The following KCNB2 variants were observed in gnomAD, a reference collection of about 807,000 sequenced individuals.
KCNB2 encodes the protein potassium voltage-gated channel subfamily B member 2.
In KCNB2, 15 loss-of-function variants were observed where a neutral mutation model predicts 61.5. The observed-to-expected ratio is 0.24, with a 90% confidence interval of 0.16 to 0.38. The LOEUF (loss-of-function observed/expected upper bound fraction) is 0.38. Among genes scored for constraint, KCNB2 ranks in the 10% least tolerant of loss-of-function variants. The probability of loss-of-function intolerance (pLI) is 1.00; values close to 1 mark genes in which losing one functional copy is unlikely to be tolerated. For synonymous variants in KCNB2, 457 were observed against 446.0 expected, an observed-to-expected ratio of 1.02 and a Z score of -0.31; for missense variants, 828 against 1,125.2, an observed-to-expected ratio of 0.74 and a Z score of 3.78.
At chr8:72,757,557 G>A (rs1360473190) in intron 2 of KCNB2, among the ~76,000 whole-genome samples, 1 of 152,182 alleles carries the variant, frequency 6.6e-6, no homozygotes, top group African/African-American at 2.4e-5. Context: ...GATACCTCAA[G>A]GATCCTTAGT....
rs575686645 is a variant in KCNB2 at position 72,889,831 on chromosome 8, T to C, written c.580-46104T>C. On this transcript the variant is annotated intron_variant, in intron 2 of 2. Transcript: ENST00000523207. ...AGTGCAGTGGTACAATCTTGGCTCA[T>C]TGCAACCTCCATCTCCTGGGTTCAA... Among the ~76,000 whole-genome samples the C allele has an allele frequency of 4.6e-5, 7 of 152,224 alleles. No homozygotes were observed. The East Asian group carries it at 1.4e-3, about 30-fold the overall frequency.
At chr8:72,841,379 T>G (rs1809883827) in intron 2 of KCNB2, among the ~76,000 whole-genome samples, 1 of 128,072 alleles carries the variant, frequency 7.8e-6, no homozygotes, top group Admixed American at 8.0e-5. Context: ...TTTCTTTTTT[T>G]TTTTTTTTTT....
Position 72,937,447 on chromosome 8 carries a change from G to A in KCNB2, c.2092G>A (p.Asp698Asn), listed in dbSNP as rs751298935. The A allele has an allele frequency of 3.1e-6, 5 of 1,613,734 alleles. No homozygotes were observed. The highest frequency in any genetic ancestry group is 2.7e-5 in the African/African-American group (2 of 74,832). ...HSPLQSDNAT[D>N]SPKSSLKGSN... ...TCCTTTGCAGTCTGACAATGCCACC[G>A]ACAGTCCTAAGAGCTCTCTAAAAGG... Residue 698 changes from aspartate (D) to asparagine (N), a missense_variant, in exon 3 of 3, where the codon GAC becomes AAC. Asp to Asn is a conservative substitution (Grantham distance 23, BLOSUM62 1). This residue lies in a region of KCNB2 where 559 missense variants were observed against 588.4 expected (regional missense o/e 0.95). Coordinates refer to ENST00000523207, the MANE Select transcript of KCNB2 (RefSeq NM_004770.3).
chr8:72,757,559 A>T (rs1808310678), intron 2 of KCNB2, among the ~76,000 whole-genome samples: 1 of 152,162 alleles, frequency 6.6e-6, no homozygotes, highest in South Asian at 2.1e-4. Flanking sequence ...TACCTCAAGG[A>T]TCCTTAGTGG....
chr8:72,555,436 G>A (rs1378036201), intron 1 of KCNB2, among the ~76,000 whole-genome samples: 1 of 151,626 alleles, frequency 6.6e-6, no homozygotes, highest in African/African-American at 2.4e-5. Context: ...TTGATCTTAA[G>A]CTGAAATAAA....
At chr8:72,594,088 T>A (rs558119868) in intron 2 of KCNB2, among the ~76,000 whole-genome samples, 117 of 152,228 alleles carry the variant, frequency 7.7e-4, no homozygotes, top group African/African-American at 2.4e-3. Flanking sequence ...GAATTTAGAG[T>A]CTACCTGAGG....
At chr8:72,681,543 C>T (rs1180988690) in intron 2 of KCNB2, among the ~76,000 whole-genome samples, 1 of 152,082 alleles carries the variant, frequency 6.6e-6, no homozygotes, top group Non-Finnish European at 1.5e-5. Context: ...TGGAACACCT[C>T]TGAAGGACCT....
intron 1 of KCNB2, among the ~76,000 whole-genome samples, chr8:72,554,991 C>A (rs1452074164): frequency 6.6e-6 from 1 of 151,912 alleles, no homozygotes; most frequent in Non-Finnish European, 1.5e-5. Flanking sequence ...AATATTGATC[C>A]CATATTTCTG....
intron 2 of KCNB2, among the ~76,000 whole-genome samples, chr8:72,817,342 G>A (rs1405783553): frequency 6.6e-6 from 1 of 152,078 alleles, no homozygotes; most frequent in Non-Finnish European, 1.5e-5. Flanking sequence ...CTCCCCTGTA[G>A]GACTGAAGAA....
chr8:72,844,420 G>A (rs1809949841), intron 2 of KCNB2, among the ~76,000 whole-genome samples: 1 of 151,960 alleles, frequency 6.6e-6, no homozygotes, highest in African/African-American at 2.4e-5. Context: ...TGTGTCTTGG[G>A]GTTTCTCTTC....
chr8:72,588,026 A>AC (rs113731017), intron 2 of KCNB2, among the ~76,000 whole-genome samples: 3,578 of 152,258 alleles, frequency 0.023, 133 homozygotes, highest in African/African-American at 0.08. Flanking sequence ...TGTGGAACAC[A>AC]TTTACTGAAA....
chr8:72,922,511 A>G (rs1407756822), intron 2 of KCNB2, among the ~76,000 whole-genome samples: 1 of 152,216 alleles, frequency 6.6e-6, no homozygotes, highest in African/African-American at 2.4e-5. Context: ...CAGAAGATTC[A>G]GGGTTTGGTA....
chr8:72,696,320 T>G (rs575339447), intron 2 of KCNB2, among the ~76,000 whole-genome samples: 1 of 152,244 alleles, frequency 6.6e-6, no homozygotes, highest in Admixed American at 6.5e-5. Context: ...GCCTAAGAGT[T>G]GCATAAAGTA....
chr8:72,857,680 G>GA (rs1380841380), intron 2 of KCNB2, among the ~76,000 whole-genome samples: 1 of 151,586 alleles, frequency 6.6e-6, no homozygotes, highest in Non-Finnish European at 1.5e-5. Context: ...TGAAGAGTCA[G>GA]AAAAAAAATT....
intron 2 of KCNB2, among the ~76,000 whole-genome samples, chr8:72,803,265 T>G (rs1809160513): frequency 6.6e-6 from 1 of 152,284 alleles, no homozygotes; most frequent in South Asian, 2.1e-4. Context: ...CTGTCTGTTG[T>G]GGACACAGCA....
chr8:72,760,714 C>T (rs1461346429), intron 2 of KCNB2, among the ~76,000 whole-genome samples: 1 of 152,200 alleles, frequency 6.6e-6, no homozygotes, highest in African/African-American at 2.4e-5. Flanking sequence ...GCAGCATATA[C>T]TAAGTACAGC....
At chr8:72,584,085 TCAAAA>T (rs1042958125) in intron 2 of KCNB2, among the ~76,000 whole-genome samples, 6 of 150,260 alleles carry the variant, frequency 4.0e-5, no homozygotes, top group African/African-American at 1.2e-4. Context: ...TTTAGTGCTG[TCAAAA>T]CAAAACAAAA....
At chr8:72,651,624 A>G (rs1216898892) in intron 2 of KCNB2, among the ~76,000 whole-genome samples, 1 of 152,148 alleles carries the variant, frequency 6.6e-6, no homozygotes, top group African/African-American at 2.4e-5. Flanking sequence ...TTCATCCACT[A>G]TAAATTTTAC....
At chr8:72,614,865 C>T (rs769882305) in intron 2 of KCNB2, among the ~76,000 whole-genome samples, 3 of 152,190 alleles carry the variant, frequency 2.0e-5, no homozygotes, top group Non-Finnish European at 2.9e-5. Context: ...CATATAACCA[C>T]ACAATGGCCC....
Sources: gnomAD v4.1 joint callset for allele counts (sites outside exome capture counted in the v4.1 genomes callset) on GRCh38, gnomAD v4.1.1 for gene constraint, gnomAD v4.1.1 regional missense constraint, MANE v1.5 for transcripts, NCBI Gene and HGNC (gene_info 2026-07-23, HGNC 2026-07-21) for gene names.